Variants in SPTSSA observed in about 807,000 individuals in gnomAD.
SPTSSA encodes the protein serine palmitoyltransferase small subunit A.
Under a neutral mutation model 9.1 loss-of-function variants are expected in SPTSSA, and 8 were observed. The observed-to-expected ratio is 0.88, with a 90% CI of 0.51 to 1.58. The LOEUF is 1.58. Among genes scored for constraint, SPTSSA ranks in the 40% most tolerant of loss-of-function variants. The pLI is 0.00. For missense variants in SPTSSA, 100 were observed against 93.8 expected (o/e 1.07, Z -0.27); for synonymous variants, 42 against 37.7 (o/e 1.11, Z -0.41).
At chr14:34,452,245 C>CAAAA (rs532756986) in intron 1 of SPTSSA, among the ~76,000 whole-genome samples, 6 of 97,010 alleles carry the variant, frequency 6.2e-5, no homozygotes, top group Non-Finnish European at 9.4e-5. Context: ...GACTCAATCT[C>CAAAA]AAAAAAAAAA....
chr14:34,449,443 A>AC (rs897896311), intron 1 of SPTSSA, among the ~76,000 whole-genome samples: 6 of 149,680 alleles, frequency 4.0e-5, no homozygotes, highest in African/African-American at 1.5e-4. Context: ...CTGGTGATCC[A>AC]CCCACCTCGG....
chr14:34,448,496 T>C (rs1229347592), intron 1 of SPTSSA, among the ~76,000 whole-genome samples: 1 of 152,038 alleles, frequency 6.6e-6, no homozygotes, highest in African/African-American at 2.4e-5. Context: ...TAACAGGAAA[T>C]ATCCTCTCCA....
At chr14:34,448,650 T>G (rs1249351222) in intron 1 of SPTSSA, among the ~76,000 whole-genome samples, 1 of 152,180 alleles carries the variant, frequency 6.6e-6, no homozygotes, top group Non-Finnish European at 1.5e-5. Context: ...AGCCCCTATG[T>G]TCAGGCCCAC....
intron 1 of SPTSSA, among the ~76,000 whole-genome samples, chr14:34,454,471 T>C (rs1157850005): frequency 6.6e-6 from 1 of 152,178 alleles, no homozygotes; most frequent in South Asian, 2.1e-4. Flanking sequence ...AACCAAAAAC[T>C]ACTAAAGAAA....
chr14:34,449,502 CCTTT>C (rs1261326359), intron 1 of SPTSSA, among the ~76,000 whole-genome samples: 1 of 131,024 alleles, frequency 7.6e-6, no homozygotes, highest in African/African-American at 3.3e-5. Flanking sequence ...ACCCGGCCTC[CCTTT>C]TTTTTTTTTT....
rs1878634178 is a variant in SPTSSA at position 34,462,133 on chromosome 14, C to A, written c.75G>T (p.Ala25=). 1 of 1,530,292 alleles carries A rather than the reference C, an allele frequency of 6.5e-7. No homozygotes were observed. The allele number at this position is 1,530,292 out of a possible 1,614,324, so 94.8% of individuals were successfully genotyped here. A position where few individuals can be genotyped will look rare whatever the true frequency, so the allele number is the denominator to read the frequency against. Residue 25 remains alanine (A), a synonymous_variant, in exon 1 of 2, where the codon GCG becomes GCT. Transcript: ENST00000298130. ...GCTCCCAGGGCTCCAGCATGTAGAG[C>A]GCCGTGACCAGCAGGTACTGGTAGT... The part of the protein sequence containing the change: ...WFYYQYLLVT[A]LYMLEPWERT...
intron 1 of SPTSSA, among the ~76,000 whole-genome samples, chr14:34,438,529 G>A (rs1883274117): frequency 6.6e-6 from 1 of 152,054 alleles, no homozygotes; most frequent in African/African-American, 2.4e-5. Context: ...CCTACTTACG[G>A]TACATTTCCA....
At chr14:34,461,724 C>T (rs79109464) in intron 1 of SPTSSA, among the ~76,000 whole-genome samples, 2,724 of 152,362 alleles carry the variant, frequency 0.018, 88 homozygotes, top group African/African-American at 0.063. Context: ...ATGTGCTCCA[C>T]TGTTACATGA....
intron 1 of SPTSSA, among the ~76,000 whole-genome samples, chr14:34,438,331 C>T (rs1038417844): frequency 5.3e-5 from 8 of 152,078 alleles, no homozygotes; most frequent in African/African-American, 1.9e-4. Context: ...ATACTTAACC[C>T]GGTGAGCACA....
intron 1 of SPTSSA, among the ~76,000 whole-genome samples, chr14:34,452,245 CAAAA>C (rs532756986): frequency 0.024 from 2,286 of 97,028 alleles, 60 homozygotes; most frequent in African/African-American, 0.07. Flanking sequence ...GACTCAATCT[CAAAA>C]AAAAAAAAAA....
In SPTSSA at chr14:34,436,964, A is replaced by G. The variant is rs765974841; in HGVS notation, c.113-1660T>C. 3.2e-4 allele frequency among the ~76,000 whole-genome samples: 49 copies of G among 151,982 alleles called. 1 individual carries two copies. The highest frequency in any genetic ancestry group is 1.3e-4 in the Non-Finnish European group (9 of 68,006). On this transcript the variant is annotated intron_variant, in intron 1 of 1. Coordinates refer to ENST00000298130, the MANE Select transcript of SPTSSA (RefSeq NM_138288.4). Reference sequence around the variant, plus strand: ...AAAAAAAAAAGAGAGAAAGAAAAATATATACATTTGCTGCTTCTATATCAT... The same window carrying G: ...AAAAAAAAAAGAGAGAAAGAAAAATGTATACATTTGCTGCTTCTATATCAT...
At chr14:34,453,527 C>T (rs192308311) in intron 1 of SPTSSA, among the ~76,000 whole-genome samples, 246 of 152,296 alleles carry the variant, frequency 1.6e-3, no homozygotes, top group Non-Finnish European at 3.1e-3. Context: ...CATGTCCCCT[C>T]GGGCAGCTTC....
intron 1 of SPTSSA, among the ~76,000 whole-genome samples, chr14:34,436,155 C>A (rs1393116353): frequency 6.6e-6 from 1 of 152,202 alleles, no homozygotes; most frequent in Non-Finnish European, 1.5e-5. Context: ...GCAACTGCTA[C>A]TGCTATTATC....
chr14:34,458,663 ATTT>A (rs35426259), intron 1 of SPTSSA, among the ~76,000 whole-genome samples: 1 of 89,640 alleles, frequency 1.1e-5, no homozygotes, highest in African/African-American at 5.1e-5. Flanking sequence ...CACTCAGCTA[ATTT>A]TTTTTTTTTT....
chr14:34,444,366 G>C (rs1048958993), intron 1 of SPTSSA, among the ~76,000 whole-genome samples: 1 of 152,180 alleles, frequency 6.6e-6, no homozygotes, highest in South Asian at 2.1e-4. Flanking sequence ...GTAAGACCAA[G>C]GGACATGTAG....
Position 34,462,127 on chromosome 14 carries a change from G to A in SPTSSA, c.81C>T (p.Tyr27=), listed in dbSNP as rs140378139. The change falls in exon 1 of 2, where the codon TAC becomes TAT. Residue 27 remains tyrosine, a synonymous_variant. Transcript: ENST00000298130. ...YYQYLLVTAL[Y]MLEPWERTVF... ...CCGTCCGCTCCCAGGGCTCCAGCATGTAGAGCGCCGTGACCAGCAGGTACT... is the reference window on the plus strand; with the variant it reads ...CCGTCCGCTCCCAGGGCTCCAGCATATAGAGCGCCGTGACCAGCAGGTACT... The A allele has an allele frequency of 4.1e-4, 623 of 1,528,186 alleles. 3 individuals are homozygous for A. The African/African-American group carries it at 7.9e-3, about 19-fold the overall frequency. The allele number at this position is 1,528,186 out of a possible 1,614,324, so 94.7% of individuals were successfully genotyped here.
At chr14:34,461,516 A>T (rs187826180) in intron 1 of SPTSSA, among the ~76,000 whole-genome samples, 1 of 152,298 alleles carries the variant, frequency 6.6e-6, no homozygotes, top group East Asian at 1.9e-4. Context: ...CAGAAGCAAT[A>T]AATACACTTT....
At chr14:34,440,573 C>T (rs1883300313) in intron 1 of SPTSSA, among the ~76,000 whole-genome samples, 1 of 152,050 alleles carries the variant, frequency 6.6e-6, no homozygotes, top group Non-Finnish European at 1.5e-5. Context: ...ACGGGTTATT[C>T]CACTATAAAT....
At chr14:34,459,637 C>T (rs920812702) in intron 1 of SPTSSA, among the ~76,000 whole-genome samples, 22 of 151,080 alleles carry the variant, frequency 1.5e-4, no homozygotes, top group Admixed American at 1.1e-3. Context: ...AAAAATTAGC[C>T]AGGCGTGGTG....
Sources: allele counts gnomAD v4.1 joint callset (sites outside exome capture counted in the v4.1 genomes callset), GRCh38; gene constraint gnomAD v4.1.1; transcripts MANE v1.5; gene names NCBI Gene and HGNC (gene_info 2026-07-23, HGNC 2026-07-21).